TRIO: variants seen among roughly 807,000 people sequenced by gnomAD.
TRIO encodes trio Rho guanine nucleotide exchange factor, also known as triple functional domain protein.
In TRIO, 58 loss-of-function variants were observed where a neutral mutation model predicts 351.9. The observed-to-expected ratio is 0.16, with a 90% CI of 0.13 to 0.21. The LOEUF is 0.21. Ranked by LOEUF, TRIO falls within the 10% of genes least tolerant of loss-of-function variation. The pLI is 1.00. For missense variants in TRIO, 3,201 were observed against 4,027.8 expected (o/e 0.79, Z 5.56); for synonymous variants, 1,758 against 1,595.7 (o/e 1.10, Z -2.42).
chr5:14,319,039 G>A (rs927939177), intron 9 of TRIO, among the ~76,000 whole-genome samples: 3 of 152,102 alleles, frequency 2.0e-5, no homozygotes, highest in African/African-American at 7.2e-5. Flanking sequence ...ATCTAATTTG[G>A]TGCCAAATAC....
intron 1 of TRIO, among the ~76,000 whole-genome samples, chr5:14,175,387 C>T (rs1789346319): frequency 6.6e-6 from 1 of 152,084 alleles, no homozygotes; most frequent in African/African-American, 2.4e-5. Flanking sequence ...CTTCTTTGTC[C>T]CTTTCAACAA....
rs773401747 is a variant in TRIO at position 14,487,937 on chromosome 5, G to T, written c.7309G>T (p.Ala2437Ser). The T allele has an allele frequency of 6.5e-7, 1 of 1,543,222 alleles. No homozygotes were observed. The highest frequency in any genetic ancestry group is 2.0e-5 in the Admixed American group (1 of 49,902). Residue 2437 changes from alanine (A) to serine (S), a missense_variant, in exon 48 of 57, where the codon GCG (alanine) becomes TCG (serine). This residue lies in a region of TRIO where 1,089 missense variants were observed against 954.9 expected (regional missense o/e 1.14). Coordinates refer to ENST00000344204, the MANE Select transcript of TRIO (RefSeq NM_007118.4). ...GSSPDAPAKDARASLGTLPLG... is the reference protein window; with the variant it reads ...GSSPDAPAKDSRASLGTLPLG... Reference sequence around the variant, plus strand: ...GAGCCCAGACGCCCCCGCCAAGGACGCGCGCGCTAGCCTGGGCACCCTGCC... The same window carrying T: ...GAGCCCAGACGCCCCCGCCAAGGACTCGCGCGCTAGCCTGGGCACCCTGCC...
In TRIO at chr5:14,359,404, A is replaced by G. The variant is rs1743925426; in HGVS notation, c.2264A>G (p.Asn755Ser). 9 of 1,614,194 alleles carry G rather than the reference A, an allele frequency of 5.6e-6. No individual in the cohort carries two copies. Among genetic ancestry groups the G allele is most frequent in the Non-Finnish European group, 6.8e-6 (8 of 1,180,016 alleles). Residue 755 changes from asparagine (N) to serine (S), a missense_variant, in exon 13 of 57, where the codon AAC becomes AGC. By Grantham distance (46) the Asn-to-Ser change is conservative. Around this residue, in one of 19 missense-constraint regions of TRIO, gnomAD observed 363 missense variants for 553.5 expected, o/e 0.66. Coordinates refer to ENST00000344204, the MANE Select transcript of TRIO (RefSeq NM_007118.4). Reference protein sequence around the residue: ...SNKTPHNSSINHIETVLQQLD... With the variant: ...SNKTPHNSSISHIETVLQQLD... ...AAGACCCCCCACAACAGCTCCATCAACCACATTGAGACGGTGCTGCAGCAG... is the reference window on the plus strand; with the variant it reads ...AAGACCCCCCACAACAGCTCCATCAGCCACATTGAGACGGTGCTGCAGCAG...
chr5:14,301,597 CAG>C (rs1213733202), intron 7 of TRIO, among the ~76,000 whole-genome samples: 1 of 152,114 alleles, frequency 6.6e-6, no homozygotes, highest in Non-Finnish European at 1.5e-5. Flanking sequence ...GTATGTGTAT[CAG>C]AGTGAGGGAA....
At chr5:14,294,676 C>T (rs1349165481) in intron 6 of TRIO, among the ~76,000 whole-genome samples, 1 of 152,136 alleles carries the variant, frequency 6.6e-6, no homozygotes, top group Non-Finnish European at 1.5e-5. Flanking sequence ...TTAATTCTGA[C>T]TTTCTTATTT....
At chr5:14,238,267 C>T (rs985122552) in intron 1 of TRIO, among the ~76,000 whole-genome samples, 7 of 152,172 alleles carry the variant, frequency 4.6e-5, no homozygotes, top group Non-Finnish European at 7.3e-5. Context: ...CTTCCTGCAG[C>T]TAAGTGAAGA....
At chr5:14,281,371 C>T (rs1735978441) in intron 3 of TRIO, among the ~76,000 whole-genome samples, 1 of 151,050 alleles carries the variant, frequency 6.6e-6, no homozygotes, top group African/African-American at 2.5e-5. Context: ...AACCAGATCT[C>T]ATGAGAACTC....
intron 10 of TRIO, among the ~76,000 whole-genome samples, chr5:14,331,676 G>A (rs1282764146): frequency 6.6e-6 from 1 of 152,168 alleles, no homozygotes; most frequent in Non-Finnish European, 1.5e-5. Flanking sequence ...CTAGCTGCAG[G>A]GGCCCTGGGT....
chr5:14,259,874 G>T (rs1214148612), intron 1 of TRIO, among the ~76,000 whole-genome samples: 1 of 151,970 alleles, frequency 6.6e-6, no homozygotes, highest in Non-Finnish European at 1.5e-5. Context: ...GCCTCTGCAG[G>T]TCAATAAACA....
At chr5:14,348,977 G>A (rs1561373561) in intron 11 of TRIO, among the ~76,000 whole-genome samples, 1 of 147,604 alleles carries the variant, frequency 6.8e-6, no homozygotes, top group East Asian at 2.0e-4. Flanking sequence ...TTTTTCCTGT[G>A]TGTATATGTG....
intron 1 of TRIO, among the ~76,000 whole-genome samples, chr5:14,208,103 C>G (rs1791657043): frequency 6.6e-6 from 1 of 152,206 alleles, no homozygotes; most frequent in Admixed American, 6.5e-5. Context: ...TTTGCAGTTT[C>G]TTAAAAGTTT....
intron 8 of TRIO, among the ~76,000 whole-genome samples, chr5:14,312,952 A>G (rs1739056986): frequency 6.6e-6 from 1 of 152,242 alleles, no homozygotes; most frequent in East Asian, 1.9e-4. Flanking sequence ...ACATTTTGCC[A>G]AAAGTGAAAA....
intron 34 of TRIO, among the ~76,000 whole-genome samples, chr5:14,428,086 C>A (rs932761930): frequency 6.6e-6 from 1 of 152,168 alleles, no homozygotes; most frequent in Non-Finnish European, 1.5e-5. Context: ...TTTCCCGGAT[C>A]ATGAAAGGAT....
chr5:14,461,298 A>T lies in TRIO; in HGVS notation c.5483A>T (p.Glu1828Val). ...SDDSAATPQD[E>V]TVEERGRNEG... Reference sequence around the variant, plus strand: ...GACAGTGCGGCCACCCCGCAGGACGAGACGGTCGAGGAGGTGAGGCTCTGC... The same window carrying T: ...GACAGTGCGGCCACCCCGCAGGACGTGACGGTCGAGGAGGTGAGGCTCTGC... Residue 1828 changes from glutamate (E) to valine (V), a missense_variant, in exon 35 of 57, where the codon GAG (glutamate) becomes GTG (valine). Physicochemically the swap from Glu to Val is moderately radical, Grantham distance 121 (BLOSUM62 -2). This residue lies in a region of TRIO where 193 missense variants were observed against 218.8 expected (regional missense o/e 0.88). Coordinates refer to ENST00000344204, the MANE Select transcript of TRIO (RefSeq NM_007118.4). 1 of 1,580,552 alleles carries T rather than the reference A, an allele frequency of 6.3e-7. No homozygotes were observed.
At chr5:14,178,388 GC>G (rs1202151373) in intron 1 of TRIO, among the ~76,000 whole-genome samples, 3 of 152,186 alleles carry the variant, frequency 2.0e-5, no homozygotes, top group Admixed American at 6.5e-5. Flanking sequence ...TGTTCTGGCC[GC>G]ATGTTAGGAA....
At chr5:14,340,479 C>T (rs1579370762) in intron 11 of TRIO, among the ~76,000 whole-genome samples, 3 of 152,060 alleles carry the variant, frequency 2.0e-5, no homozygotes, top group Non-Finnish European at 4.4e-5. Context: ...TTGCTAAAGG[C>T]TCTCGTGACA....
At chr5:14,342,410 T>TCA (rs1454954811) in intron 11 of TRIO, among the ~76,000 whole-genome samples, 1 of 152,242 alleles carries the variant, frequency 6.6e-6, no homozygotes, top group African/African-American at 2.4e-5. Context: ...TCCACAGTGC[T>TCA]CATTGTGTAG....
intron 2 of TRIO, among the ~76,000 whole-genome samples, chr5:14,272,663 A>G (rs1364155575): frequency 1.3e-5 from 2 of 152,198 alleles, no homozygotes; most frequent in African/African-American, 4.8e-5. Context: ...TGTTTAAGAT[A>G]TTAGCGATGG....
chr5:14,319,577 A>G (rs933884954), intron 9 of TRIO, among the ~76,000 whole-genome samples: 11 of 152,240 alleles, frequency 7.2e-5, no homozygotes, highest in Non-Finnish European at 1.3e-4. Flanking sequence ...CCATAAAAAC[A>G]TAGTAAGCCG....
Sources: gnomAD v4.1 joint callset for allele counts (sites outside exome capture counted in the v4.1 genomes callset) on GRCh38, gnomAD v4.1.1 for gene constraint, gnomAD v4.1.1 regional missense constraint, MANE v1.5 for transcripts, NCBI Gene and HGNC (gene_info 2026-07-23, HGNC 2026-07-21) for gene names.